Variants in UNC5D observed in about 807,000 individuals in gnomAD.
UNC5D encodes the protein unc-5 netrin receptor D.
UNC5D carries 39 observed loss-of-function variants against 105.4 expected under a neutral mutation model. That is an observed-to-expected ratio of 0.37 (90% CI 0.29 to 0.48). The LOEUF (loss-of-function observed/expected upper bound fraction) is 0.48. Ranked by LOEUF, UNC5D falls within the 20% of genes least tolerant of loss-of-function variation. The probability of loss-of-function intolerance (pLI) is 0.98; values close to 1 mark genes in which losing one functional copy is unlikely to be tolerated. For missense variants in UNC5D, 991 were observed against 1,202.4 expected, an observed-to-expected ratio of 0.82 and a Z score of 2.60; for synonymous variants, 452 against 450.4, an observed-to-expected ratio of 1.00 and a Z score of -0.04.
At chr8:35,729,470 C>G (rs1296643177) in intron 10 of UNC5D, among the ~76,000 whole-genome samples, 1 of 152,156 alleles carries the variant, frequency 6.6e-6, no homozygotes, top group East Asian at 1.9e-4. Flanking sequence ...GTTTCCTGTA[C>G]TTCTAAGTCT....
chr8:35,768,557 C>T (rs187507667), intron 15 of UNC5D, among the ~76,000 whole-genome samples: 2 of 152,202 alleles, frequency 1.3e-5, no homozygotes, highest in East Asian at 1.9e-4. Context: ...CCTAGATGTC[C>T]GTTAACAGGC....
intron 1 of UNC5D, among the ~76,000 whole-genome samples, chr8:35,369,162 G>A (rs1802292702): frequency 6.6e-6 from 1 of 152,076 alleles, no homozygotes; most frequent in East Asian, 1.9e-4. Context: ...CAGTGTTGGT[G>A]GTGAGTATAC....
At chr8:35,697,766 T>G (rs1391348829) in intron 7 of UNC5D, among the ~76,000 whole-genome samples, 1 of 152,180 alleles carries the variant, frequency 6.6e-6, no homozygotes, top group African/African-American at 2.4e-5. Flanking sequence ...GTAGACCCTA[T>G]GTACAGGTAA....
intron 4 of UNC5D, among the ~76,000 whole-genome samples, chr8:35,597,358 C>T (rs1819552261): frequency 6.6e-6 from 1 of 152,158 alleles, no homozygotes; most frequent in South Asian, 2.1e-4. Context: ...TTCCTACAAA[C>T]AGCATGCCCT....
chr8:35,606,479 A>G (rs992074468), intron 4 of UNC5D, among the ~76,000 whole-genome samples: 11 of 152,124 alleles, frequency 7.2e-5, no homozygotes, highest in African/African-American at 2.7e-4. Flanking sequence ...TATATGGGTA[A>G]ATTGCATGTC....
At chr8:35,508,109 A>C (rs1214035065) in intron 1 of UNC5D, among the ~76,000 whole-genome samples, 1 of 152,136 alleles carries the variant, frequency 6.6e-6, no homozygotes, top group African/African-American at 2.4e-5. Flanking sequence ...GAATGTAATA[A>C]CAACAATCCC....
At chr8:35,300,221 G>T (rs1197437525) in intron 1 of UNC5D, among the ~76,000 whole-genome samples, 1 of 151,834 alleles carries the variant, frequency 6.6e-6, no homozygotes, top group Non-Finnish European at 1.5e-5. Flanking sequence ...GCCAAGGTGG[G>T]CACATCACCT....
intron 13 of UNC5D, 141 bp downstream of exon 13, chr8:35,750,950 G>A: frequency 1.1e-6 from 1 of 926,480 alleles, no homozygotes; most frequent in East Asian, 2.6e-5. Context: ...GGTTCACCTT[G>A]CCTGCTGCCT....
At chr8:35,360,081 C>CAAATAAT (rs1342854368) in intron 1 of UNC5D, among the ~76,000 whole-genome samples, 1 of 152,034 alleles carries the variant, frequency 6.6e-6, no homozygotes, top group African/African-American at 2.4e-5. Context: ...TTTGCAAACT[C>CAAATAAT]AAATAATAAT....
intron 8 of UNC5D, among the ~76,000 whole-genome samples, chr8:35,706,852 G>A (rs939616166): frequency 1.3e-5 from 2 of 152,116 alleles, no homozygotes; most frequent in African/African-American, 4.8e-5. Context: ...CCTGGTTGAG[G>A]AGCTCCTAAG....
At chr8:35,588,854 A>G (rs1818964533) in intron 3 of UNC5D, among the ~76,000 whole-genome samples, 1 of 152,182 alleles carries the variant, frequency 6.6e-6, no homozygotes, top group South Asian at 2.1e-4. Context: ...CAGCATGGCC[A>G]ATAAGGCAAA....
At chr8:35,428,291 C>G (rs544551454) in intron 1 of UNC5D, among the ~76,000 whole-genome samples, 6 of 152,060 alleles carry the variant, frequency 3.9e-5, no homozygotes, top group African/African-American at 1.4e-4. Context: ...AGCAATCCTC[C>G]CACCTCAGTT....
chr8:35,415,450 C>A (rs1805468793), intron 1 of UNC5D, among the ~76,000 whole-genome samples: 1 of 152,006 alleles, frequency 6.6e-6, no homozygotes, highest in Non-Finnish European at 1.5e-5. Flanking sequence ...CAGAGTTAAA[C>A]AGGGAAGATA....
intron 1 of UNC5D, among the ~76,000 whole-genome samples, chr8:35,246,487 G>A (rs920829755): frequency 3.9e-5 from 6 of 152,064 alleles, no homozygotes; most frequent in Non-Finnish European, 8.8e-5. Context: ...AAGTGGTTTG[G>A]CAGGAGAAGA....
At chr8:35,370,882 T>G (rs1802393475) in intron 1 of UNC5D, among the ~76,000 whole-genome samples, 1 of 152,214 alleles carries the variant, frequency 6.6e-6, no homozygotes. Flanking sequence ...TTACTTACAG[T>G]GTACTTGTGA....
chr8:35,555,875 GCACACACACACACACA>G lies in UNC5D; in HGVS notation c.322+6400_322+6415del, dbSNP rs56788274. ...AATTATAAAGATCTATAAAAAAACA[GCACACACACACACACA>G]CACACACACACACACACACACACAC... On this transcript the variant is annotated intron_variant, in intron 2 of 16. Coordinates refer to ENST00000404895, the MANE Select transcript of UNC5D (RefSeq NM_080872.4). 4.2e-4 allele frequency among the ~76,000 whole-genome samples: 56 copies of G among 134,234 alleles called. 1 individual carries two copies. The highest frequency in any genetic ancestry group is 7.5e-4 in the Admixed American group (10 of 13,262). 88.1% of individuals were successfully genotyped at this position (134,234 alleles called of 152,430 possible).
chr8:35,443,290 T>C (rs1403426754), intron 1 of UNC5D, among the ~76,000 whole-genome samples: 4 of 151,482 alleles, frequency 2.6e-5, no homozygotes, highest in Non-Finnish European at 5.9e-5. Context: ...TGCTAGTGAG[T>C]CAGTTTGCTC....
intron 7 of UNC5D, among the ~76,000 whole-genome samples, chr8:35,689,483 GAT>G (rs1826245440): frequency 6.6e-6 from 1 of 152,182 alleles, no homozygotes. Context: ...GCAATGGAGA[GAT>G]ATTTAAAGAT....
At chr8:35,550,036 G>T (rs577148750) in intron 2 of UNC5D, among the ~76,000 whole-genome samples, 8 of 144,332 alleles carry the variant, frequency 5.5e-5, no homozygotes, top group African/African-American at 2.1e-4. Context: ...CAGTATGAAA[G>T]AATTGTGGGA....
Sources: allele counts gnomAD v4.1 joint callset (sites outside exome capture counted in the v4.1 genomes callset), GRCh38; gene constraint gnomAD v4.1.1; transcripts MANE v1.5; gene names NCBI Gene and HGNC (gene_info 2026-07-23, HGNC 2026-07-21).